The following PELI2 variants were observed in gnomAD, a reference collection of about 807,000 sequenced individuals.
The protein encoded by PELI2 is pellino E3 ubiquitin protein ligase family member 2, also known as E3 ubiquitin-protein ligase pellino homolog 2.
A neutral mutation model predicts 42.3 loss-of-function variants in PELI2; 23 were observed. The observed-to-expected ratio is 0.54, with a 90% CI of 0.39 to 0.77. The LOEUF is 0.77. Among genes scored for constraint, PELI2 ranks in the 30% least tolerant of loss-of-function variants. The probability of loss-of-function intolerance (pLI) is 0.00; values close to 1 mark genes in which losing one functional copy is unlikely to be tolerated. For missense variants in PELI2, 463 were observed against 553.2 expected, an observed-to-expected ratio of 0.84 and a Z score of 1.64; for synonymous variants, 245 against 212.2, an observed-to-expected ratio of 1.15 and a Z score of -1.34.
intron 2 of PELI2, among the ~76,000 whole-genome samples, chr14:56,203,446 CAT>C (rs1886407872): frequency 6.6e-6 from 1 of 151,994 alleles, no homozygotes; most frequent in South Asian, 2.1e-4. Flanking sequence ...TCTCCACACA[CAT>C]ACTAGTGTGT....
At chr14:56,250,611 G>A (rs1888312148) in intron 2 of PELI2, among the ~76,000 whole-genome samples, 1 of 152,134 alleles carries the variant, frequency 6.6e-6, no homozygotes, top group Admixed American at 6.5e-5. Context: ...TCGAGGGCAG[G>A]AAGCATGCGG....
intron 2 of PELI2, among the ~76,000 whole-genome samples, chr14:56,225,023 CTG>C (rs1887290876): frequency 6.6e-6 from 1 of 152,148 alleles, no homozygotes; most frequent in Non-Finnish European, 1.5e-5. Flanking sequence ...GTGCACATAA[CTG>C]TATGTTCAGT....
At chr14:56,159,520 G>T (rs1354264804) in intron 1 of PELI2, among the ~76,000 whole-genome samples, 1 of 152,100 alleles carries the variant, frequency 6.6e-6, no homozygotes, top group Non-Finnish European at 1.5e-5. Flanking sequence ...TTACCTGGTG[G>T]TTCTTGCATT....
intron 2 of PELI2, among the ~76,000 whole-genome samples, chr14:56,279,162 A>G (rs979324034): frequency 1.3e-5 from 2 of 152,296 alleles, no homozygotes; most frequent in East Asian, 3.9e-4. Flanking sequence ...ACAGAATACA[A>G]ATATGGTTAT....
intron 2 of PELI2, among the ~76,000 whole-genome samples, chr14:56,248,882 C>T (rs558825195): frequency 6.6e-6 from 1 of 152,124 alleles, no homozygotes; most frequent in African/African-American, 2.4e-5. Flanking sequence ...CCTGCCATGC[C>T]ACTTGTAGAG....
intron 2 of PELI2, among the ~76,000 whole-genome samples, chr14:56,230,458 AG>A (rs577915208): frequency 5.9e-5 from 9 of 152,356 alleles, no homozygotes; most frequent in Non-Finnish European, 1.3e-4. Context: ...ACATTCTTAA[AG>A]AAAAGAGTTT....
intron 2 of PELI2, among the ~76,000 whole-genome samples, chr14:56,266,186 T>G (rs1261769135): frequency 6.6e-6 from 1 of 152,034 alleles, no homozygotes; most frequent in African/African-American, 2.4e-5. Flanking sequence ...AATTCTTCAC[T>G]TAATCTAGGA....
intron 1 of PELI2, among the ~76,000 whole-genome samples, chr14:56,148,051 T>G (rs1028854659): frequency 4.6e-5 from 7 of 152,206 alleles, no homozygotes; most frequent in African/African-American, 4.8e-5. Flanking sequence ...TCGTTATCTT[T>G]CCCTGGTAAA....
At chr14:56,227,508 G>A (rs1290465478) in intron 2 of PELI2, among the ~76,000 whole-genome samples, 2 of 152,248 alleles carry the variant, frequency 1.3e-5, no homozygotes, top group East Asian at 3.8e-4. Context: ...TGTGGTGGTA[G>A]TTTTGAATTG....
At chr14:56,213,397 A>G (rs979458708) in intron 2 of PELI2, among the ~76,000 whole-genome samples, 1 of 152,232 alleles carries the variant, frequency 6.6e-6, no homozygotes. Context: ...GGATACCCAG[A>G]GAGGAGTACA....
intron 2 of PELI2, among the ~76,000 whole-genome samples, chr14:56,253,825 G>T (rs928380492): frequency 1.3e-5 from 2 of 151,998 alleles, no homozygotes; most frequent in African/African-American, 4.8e-5. Context: ...TTTCTTCACA[G>T]AATTGGGAAA....
intron 2 of PELI2, among the ~76,000 whole-genome samples, chr14:56,232,632 A>G (rs36154434): frequency 0.4 from 60,579 of 151,056 alleles, 12,881 homozygotes; most frequent in South Asian, 0.53. Flanking sequence ...GCTATTTATG[A>G]CAAACCCCCA....
At chr14:56,174,231 C>A (rs1313958929) in intron 1 of PELI2, among the ~76,000 whole-genome samples, 1 of 152,194 alleles carries the variant, frequency 6.6e-6, no homozygotes, top group Non-Finnish European at 1.5e-5. Context: ...GGCCACCATT[C>A]AATCCACTGT....
At position 56,279,794 on chromosome 14, in the gene PELI2, TTAA is replaced by T; in HGVS notation, c.309+20_309+22del. 1 of 1,348,192 alleles carries T rather than the reference TTAA, an allele frequency of 7.4e-7. No homozygotes were observed. The highest frequency in any genetic ancestry group is 1.0e-6 in the Non-Finnish European group (1 of 954,266). The allele number at this position is 1,348,192 out of a possible 1,614,324, so 83.5% of individuals were successfully genotyped here. On this transcript the variant is annotated intron_variant, in intron 3 of 5. Coordinates refer to ENST00000267460, the MANE Select transcript of PELI2 (RefSeq NM_021255.3). Reference sequence around the variant, plus strand: ...ATGTTTCAGGTAATATTTTTCTTTTTTAATAGAAATTTTAGCACGTTTTCCTTT... The same window carrying T: ...ATGTTTCAGGTAATATTTTTCTTTTTTAGAAATTTTAGCACGTTTTCCTTT...
intron 2 of PELI2, among the ~76,000 whole-genome samples, chr14:56,245,673 A>G (rs1457309474): frequency 1.3e-5 from 2 of 152,204 alleles, no homozygotes; most frequent in Non-Finnish European, 2.9e-5. Context: ...ACTAGTCAAA[A>G]TAGCAATACT....
At chr14:56,252,801 C>T (rs1888391939) in intron 2 of PELI2, among the ~76,000 whole-genome samples, 2 of 152,222 alleles carry the variant, frequency 1.3e-5, no homozygotes, top group South Asian at 4.1e-4. Context: ...GGTACCATTC[C>T]TTCTGAAAGT....
chr14:56,201,208 A>G (rs1214515883), intron 2 of PELI2, among the ~76,000 whole-genome samples: 3 of 152,216 alleles, frequency 2.0e-5, no homozygotes, highest in African/African-American at 7.2e-5. Flanking sequence ...CAGTTCTTCA[A>G]ATTCAGTATT....
intron 2 of PELI2, among the ~76,000 whole-genome samples, chr14:56,185,501 G>C (rs1885741170): frequency 6.6e-6 from 1 of 152,134 alleles, no homozygotes; most frequent in Admixed American, 6.5e-5. Context: ...ACTGATTTAA[G>C]ATCTGAAGCA....
chr14:56,119,373 T>G (rs1297545227), intron 1 of PELI2, among the ~76,000 whole-genome samples: 1 of 151,640 alleles, frequency 6.6e-6, no homozygotes, highest in African/African-American at 2.4e-5. Context: ...GCCCTCCGCT[T>G]CTCCCCGCTT....
Sources: gnomAD v4.1 joint callset for allele counts (sites outside exome capture counted in the v4.1 genomes callset) on GRCh38, gnomAD v4.1.1 for gene constraint, MANE v1.5 for transcripts, NCBI Gene and HGNC (gene_info 2026-07-23, HGNC 2026-07-21) for gene names.